Variants in PPP1R12A observed in about 807,000 individuals in gnomAD.
PPP1R12A encodes the protein myosin binding subunit.
PPP1R12A carries 19 observed loss-of-function variants against 139.6 expected under a neutral mutation model. That is an observed-to-expected ratio of 0.14 (90% CI 0.09 to 0.20). The LOEUF (loss-of-function observed/expected upper bound fraction) is 0.20, where lower values mean the gene tolerates loss of function less well. Ranked by LOEUF, PPP1R12A falls within the 10% of genes least tolerant of loss-of-function variation. The pLI, the probability that PPP1R12A is intolerant of heterozygous loss-of-function variation, is 1.00. For synonymous variants in PPP1R12A, 427 were observed against 420.6 expected (o/e 1.02, Z -0.19); for missense variants, 925 against 1,211.5 (o/e 0.76, Z 3.51).
intron 2 of PPP1R12A, among the ~76,000 whole-genome samples, chr12:79,861,613 C>G (rs1385848069): frequency 6.6e-6 from 1 of 152,182 alleles, no homozygotes; most frequent in Non-Finnish European, 1.5e-5. Context: ...TGCCCAAATA[C>G]TGCACTTCTC....
intron 16 of PPP1R12A, 120 bp from the exon 17 acceptor site, chr12:79,797,070 T>C: frequency 7.3e-7 from 1 of 1,364,112 alleles, no homozygotes; most frequent in South Asian, 1.4e-5. Context: ...GTAATTCAAA[T>C]TTCCAGCTAA....
intron 1 of PPP1R12A, among the ~76,000 whole-genome samples, chr12:79,894,181 T>C (rs571128914): frequency 6.6e-4 from 101 of 152,222 alleles, no homozygotes; most frequent in African/African-American, 1.9e-3. Flanking sequence ...CAATAGCATA[T>C]AATGTTCTGT....
At chr12:79,827,206 T>G (rs1391862180) in intron 5 of PPP1R12A, among the ~76,000 whole-genome samples, 1 of 152,138 alleles carries the variant, frequency 6.6e-6, no homozygotes, top group Admixed American at 6.6e-5. Context: ...CCCAAAGATT[T>G]TTGTATTTGT....
intron 1 of PPP1R12A, among the ~76,000 whole-genome samples, chr12:79,881,011 T>G (rs1046054030): frequency 6.6e-6 from 1 of 152,310 alleles, no homozygotes; most frequent in South Asian, 2.1e-4. Context: ...ACCATATTCA[T>G]AGAAGATGGT....
chr12:79,799,350 A>G (rs1389083310), intron 14 of PPP1R12A, among the ~76,000 whole-genome samples: 1 of 151,984 alleles, frequency 6.6e-6, no homozygotes, highest in Non-Finnish European at 1.5e-5. Flanking sequence ...GGTTTCATCC[A>G]TGTTGGCCAG....
At chr12:79,897,601 C>G (rs973792961) in intron 1 of PPP1R12A, among the ~76,000 whole-genome samples, 31 of 152,282 alleles carry the variant, frequency 2.0e-4, no homozygotes, top group African/African-American at 7.2e-4. Flanking sequence ...AACAAGCCTC[C>G]TAAGTTCTAG....
intron 2 of PPP1R12A, 35 bp from the exon 3 acceptor site, chr12:79,845,455 A>G (rs372747450): frequency 4.4e-5 from 64 of 1,449,442 alleles, no homozygotes; most frequent in Non-Finnish European, 6.0e-5. Flanking sequence ...TAAGCAAAAG[A>G]TATTATCATT....
At chr12:79,839,098 T>G (rs916744158) in intron 3 of PPP1R12A, among the ~76,000 whole-genome samples, 1 of 152,112 alleles carries the variant, frequency 6.6e-6, no homozygotes, top group African/African-American at 2.4e-5. Context: ...GCCCACCTCT[T>G]ACATCAGCAT....
chr12:79,799,746 A>AT (rs1216697611), intron 14 of PPP1R12A, among the ~76,000 whole-genome samples: 1 of 152,154 alleles, frequency 6.6e-6, no homozygotes, highest in Non-Finnish European at 1.5e-5. Context: ...GTGGTGGGTC[A>AT]TGCCTGTAAT....
Position 79,797,331 on chromosome 12 carries a change from G to A in PPP1R12A, c.2156C>T (p.Thr719Ile), listed in dbSNP as rs778776432. 1.9e-6 allele frequency: 3 copies of A among 1,600,722 alleles called. No individual in the cohort carries two copies. The Admixed American group carries it at 5.1e-5, about 27-fold the overall frequency. Residue 719 changes from threonine to isoleucine, a missense_variant, in exon 16 of 25, where the codon ACC (threonine) becomes ATC (isoleucine). Thr to Ile is a moderately conservative substitution (Grantham distance 89, BLOSUM62 -1). Around this residue, in one of 4 missense-constraint regions of PPP1R12A, gnomAD observed 315 missense variants for 363.4 expected, o/e 0.87. Coordinates refer to ENST00000450142, the MANE Select transcript of PPP1R12A (RefSeq NM_002480.3). ...TTTTTCTTCATTTTCTTGTTCTCTG[G>A]TTCGGGTAGAACGACTTCTTCCTAT... ...KTIGRSRSTRTREQENEEKEK... is the reference protein window; with the variant it reads ...KTIGRSRSTRIREQENEEKEK...
chr12:79,784,502 C>CT (rs1209450522), intron 22 of PPP1R12A, among the ~76,000 whole-genome samples: 2 of 152,248 alleles, frequency 1.3e-5, no homozygotes, highest in African/African-American at 4.8e-5. Flanking sequence ...CAGGGTTTGA[C>CT]TGAGAGACAT....
rs1870034621 is a variant in PPP1R12A at position 79,778,632 on chromosome 12, T to C, written c.2956-32A>G. On this transcript the variant is annotated intron_variant, in intron 23 of 24. Coordinates refer to ENST00000450142, the MANE Select transcript of PPP1R12A (RefSeq NM_002480.3). ...CGATTTAAGGTACCAATGTTAGTTA[T>C]ATAATTATTATATTCTTAAGTCTTC... The C allele has an allele frequency of 3.7e-6, 5 of 1,361,062 alleles. No homozygotes were observed. In the East Asian group the frequency reaches 1.0e-4, roughly 27 times the overall value. The allele number at this position is 1,361,062 out of a possible 1,614,324, so 84.3% of individuals were successfully genotyped here.
At chr12:79,880,418 A>C (rs1592761066) in intron 1 of PPP1R12A, among the ~76,000 whole-genome samples, 1 of 152,346 alleles carries the variant, frequency 6.6e-6, no homozygotes, top group Middle Eastern at 3.4e-3. Context: ...AGTGGTAGAC[A>C]GTATCTGTAA....
At chr12:79,848,195 C>T (rs1410985882) in intron 2 of PPP1R12A, among the ~76,000 whole-genome samples, 1 of 152,022 alleles carries the variant, frequency 6.6e-6, no homozygotes, top group African/African-American at 2.4e-5. Context: ...GTAATTTTTC[C>T]TGTTTTCATA....
At chr12:79,851,837 A>G (rs1880078095) in intron 2 of PPP1R12A, among the ~76,000 whole-genome samples, 1 of 152,116 alleles carries the variant, frequency 6.6e-6, no homozygotes, top group African/African-American at 2.4e-5. Context: ...TCTGCTGTTC[A>G]GATTTGGCAA....
intron 1 of PPP1R12A, among the ~76,000 whole-genome samples, chr12:79,918,935 G>A (rs1887213596): frequency 6.6e-6 from 1 of 152,074 alleles, no homozygotes; most frequent in Admixed American, 6.5e-5. Flanking sequence ...GGCCAACACG[G>A]CGAAACCCCG....
chr12:79,885,358 T>C (rs1387839587), intron 1 of PPP1R12A, among the ~76,000 whole-genome samples: 3 of 152,194 alleles, frequency 2.0e-5, no homozygotes, highest in Non-Finnish European at 4.4e-5. Flanking sequence ...CTATTGTTTA[T>C]ATAGTCCATG....
chr12:79,876,279 G>A (rs1883091890), intron 1 of PPP1R12A, among the ~76,000 whole-genome samples: 1 of 152,076 alleles, frequency 6.6e-6, no homozygotes, highest in Non-Finnish European at 1.5e-5. Context: ...TTTACCATCT[G>A]TTTACCCACT....
At chr12:79,874,330 T>C (rs1194797621) in intron 1 of PPP1R12A, among the ~76,000 whole-genome samples, 4 of 152,004 alleles carry the variant, frequency 2.6e-5, no homozygotes, top group African/African-American at 4.8e-5. Flanking sequence ...TGATAAACTT[T>C]CAAGAAAAAA....
Sources: allele counts gnomAD v4.1 joint callset (sites outside exome capture counted in the v4.1 genomes callset), GRCh38; gene constraint gnomAD v4.1.1; regional missense constraint gnomAD v4.1.1; transcripts MANE v1.5; gene names NCBI Gene and HGNC (gene_info 2026-07-23, HGNC 2026-07-21).